Variants in PTPRT observed in about 807,000 individuals in gnomAD.
PTPRT encodes the protein receptor-type tyrosine-protein phosphatase T.
Under a neutral mutation model 176.8 loss-of-function variants are expected in PTPRT, and 56 were observed. The observed-to-expected ratio is 0.32, with a 90% CI of 0.26 to 0.40. The LOEUF (loss-of-function observed/expected upper bound fraction) is 0.40, where lower values mean the gene tolerates loss of function less well. Among genes scored for constraint, PTPRT ranks in the 10% least tolerant of loss-of-function variants. The pLI, the probability that PTPRT is intolerant of heterozygous loss-of-function variation, is 1.00. For missense variants in PTPRT, 1,540 were observed against 1,908.2 expected, an observed-to-expected ratio of 0.81 and a Z score of 3.60; for synonymous variants, 783 against 739.0, an observed-to-expected ratio of 1.06 and a Z score of -0.96.
chr20:42,732,139 C>T lies in PTPRT; in HGVS notation c.859+24323G>A, dbSNP rs558514190. Among the ~76,000 whole-genome samples the T allele has an allele frequency of 1.0e-4, 15 of 146,422 alleles. No homozygotes were observed. In the East Asian group the frequency reaches 1.7e-3, roughly 16 times the overall value. The stretch of plus-strand genomic sequence containing the variant: ...GGTAGCCACCAGCTATGTCCATGTG[C>T]GGCTATTTAAACTTTTCTAAAAAAA... On this transcript the variant is annotated intron_variant, in intron 6 of 30. Transcript: ENST00000373187.
At chr20:42,931,497 C>T (rs1281224213) in intron 1 of PTPRT, among the ~76,000 whole-genome samples, 1 of 152,150 alleles carries the variant, frequency 6.6e-6, no homozygotes, top group Non-Finnish European at 1.5e-5. Flanking sequence ...CCACTGCCTC[C>T]CAAATGCTGA....
chr20:42,364,477 A>G (rs929275650), intron 9 of PTPRT, among the ~76,000 whole-genome samples: 5 of 151,206 alleles, frequency 3.3e-5, no homozygotes, highest in African/African-American at 4.9e-5. Context: ...TGTAAAGCCT[A>G]TTTTTTTTTG....
At chr20:42,081,852 C>G in intron 30 of PTPRT, 30 bp downstream of exon 30, 1 of 1,612,760 alleles carries the variant, frequency 6.2e-7, no homozygotes. Flanking sequence ...TCAGCCCTGG[C>G]TGTTGGAGAA....
chr20:42,712,731 A>C (rs1005709772), intron 6 of PTPRT, among the ~76,000 whole-genome samples: 1 of 152,258 alleles, frequency 6.6e-6, no homozygotes, highest in African/African-American at 2.4e-5. Context: ...ATGGAGAATA[A>C]TTTGGCCATA....
intron 1 of PTPRT, among the ~76,000 whole-genome samples, chr20:43,151,261 G>A (rs531011069): frequency 4.9e-4 from 73 of 150,186 alleles, no homozygotes; most frequent in Admixed American, 9.3e-4. Context: ...AGCTGAGATC[G>A]TGCCATTGCA....
At chr20:42,475,356 C>T (rs1054718761) in intron 7 of PTPRT, among the ~76,000 whole-genome samples, 3 of 152,184 alleles carry the variant, frequency 2.0e-5, no homozygotes, top group African/African-American at 4.8e-5. Context: ...ATCAGTTGCA[C>T]TCTCTATGTT....
the PTPRT span, among the ~76,000 whole-genome samples, chr20:42,036,576 T>C: frequency 2.0e-5 from 3 of 152,294 alleles, no homozygotes; most frequent in Admixed American, 6.5e-5. Context: ...GCAAATAAGA[T>C]AATGATTGGG....
At chr20:42,922,005 A>G (rs8115133) in intron 1 of PTPRT, among the ~76,000 whole-genome samples, 6,056 of 152,138 alleles carry the variant, frequency 0.04, 313 homozygotes, top group African/African-American at 0.12. Flanking sequence ...GCATGATCTC[A>G]GCTCACTGCA....
chr20:42,674,717 A>C (rs1453164788), intron 7 of PTPRT, among the ~76,000 whole-genome samples: 6 of 152,300 alleles, frequency 3.9e-5, no homozygotes, highest in African/African-American at 1.4e-4. Flanking sequence ...AATTTTACCA[A>C]AGGCCTGTTT....
intron 16 of PTPRT, among the ~76,000 whole-genome samples, chr20:42,191,301 C>A (rs1378470718): frequency 6.6e-6 from 1 of 152,186 alleles, no homozygotes; most frequent in Non-Finnish European, 1.5e-5. Context: ...CTGACTGAGG[C>A]AGCCCTAGCT....
chr20:42,243,285 G>A (rs758504944), intron 14 of PTPRT, among the ~76,000 whole-genome samples: 3 of 152,160 alleles, frequency 2.0e-5, no homozygotes, highest in Non-Finnish European at 2.9e-5. Flanking sequence ...CAAGGTAGAT[G>A]TCCAGGGGCA....
intron 12 of PTPRT, among the ~76,000 whole-genome samples, chr20:42,300,874 C>T (rs1327876318): frequency 1.3e-5 from 2 of 150,042 alleles, no homozygotes; most frequent in Non-Finnish European, 3.0e-5. Flanking sequence ...AACCAAACAC[C>T]GCATATTCTC....
intron 18 of PTPRT, among the ~76,000 whole-genome samples, chr20:42,129,983 G>T (rs1049076796): frequency 8.5e-5 from 13 of 152,186 alleles, no homozygotes; most frequent in African/African-American, 3.1e-4. Flanking sequence ...CTGTGGAAGA[G>T]AAGTAGGATG....
chr20:42,158,518 T>C (rs1206575163), intron 17 of PTPRT, among the ~76,000 whole-genome samples: 2 of 151,804 alleles, frequency 1.3e-5, no homozygotes, highest in African/African-American at 2.4e-5. Flanking sequence ...ACAGAGCAGG[T>C]TGGTATGAGA....
intron 3 of PTPRT, among the ~76,000 whole-genome samples, chr20:42,787,764 G>C (rs2077312850): frequency 6.6e-6 from 1 of 152,166 alleles, no homozygotes; most frequent in Admixed American, 6.5e-5. Context: ...AAGTAATTTG[G>C]TGGTAAAACC....
chr20:42,380,108 A>G (rs957505904), intron 9 of PTPRT, among the ~76,000 whole-genome samples: 3 of 152,174 alleles, frequency 2.0e-5, no homozygotes, highest in Admixed American at 1.3e-4. Context: ...CCTAAGCCCT[A>G]TTTCAGTAGA....
intron 13 of PTPRT, among the ~76,000 whole-genome samples, chr20:42,251,128 C>T (rs1409870405): frequency 6.6e-6 from 1 of 152,184 alleles, no homozygotes; most frequent in African/African-American, 2.4e-5. Flanking sequence ...TCCAAATTTC[C>T]TCAATATTGA....
intron 11 of PTPRT, among the ~76,000 whole-genome samples, chr20:42,342,114 A>T (rs2058120610): frequency 6.6e-6 from 1 of 152,166 alleles, no homozygotes; most frequent in Admixed American, 6.5e-5. Context: ...ATCTAATTGC[A>T]GCTCTGTGCT....
At chr20:42,270,524 G>C (rs375195845) in intron 13 of PTPRT, 21 of 1,365,576 alleles carry the variant, frequency 1.5e-5, no homozygotes, top group Non-Finnish European at 2.1e-5. Flanking sequence ...ACATGAAAAC[G>C]TGCAGCACGG....
Sources: gnomAD v4.1 joint callset for allele counts (sites outside exome capture counted in the v4.1 genomes callset) on GRCh38, gnomAD v4.1.1 for gene constraint, MANE v1.5 for transcripts, NCBI Gene and HGNC (gene_info 2026-07-23, HGNC 2026-07-21) for gene names.